The following PCDHGB3 variants were observed in gnomAD, a reference collection of about 807,000 sequenced individuals.
PCDHGB3 encodes protocadherin gamma subfamily B, 3, also known as protocadherin gamma-B3.
Under a neutral mutation model 59.2 loss-of-function variants are expected in PCDHGB3, and 40 were observed. That is an observed-to-expected ratio of 0.68 (90% CI 0.52 to 0.88). The LOEUF (loss-of-function observed/expected upper bound fraction) is 0.88, where lower values mean the gene tolerates loss of function less well. PCDHGB3 is among the 40% of genes least tolerant of loss of function. PCDHGB3 has a pLI of 0.00. For synonymous variants in PCDHGB3, 581 were observed against 503.6 expected (o/e 1.15, Z -2.06); for missense variants, 1,309 against 1,187.9 (o/e 1.10, Z -1.50).
intron 3 of PCDHGB3, among the ~76,000 whole-genome samples, chr5:141,509,808 G>A (rs905531504): frequency 3.9e-5 from 6 of 152,028 alleles, no homozygotes; most frequent in Non-Finnish European, 7.4e-5. Context: ...TCATAGAGCC[G>A]AGCTCTTCTC....
Position 141,371,373 on chromosome 5 carries a change from C to T in PCDHGB3, c.979C>T (p.His327Tyr). 6.2e-7 allele frequency: 1 copy of T among 1,613,972 alleles called. No homozygotes were observed. The highest frequency in any genetic ancestry group is 8.5e-7 in the Non-Finnish European group (1 of 1,179,874). ...GGTGGAAGCAAAGGATGGTGGACATCACACTGCATATTGTAAAGTACAGAT... is the reference window on the plus strand; with the variant it reads ...GGTGGAAGCAAAGGATGGTGGACATTACACTGCATATTGTAAAGTACAGAT... Reference protein sequence around the residue: ...IGVEAKDGGHHTAYCKVQIDI... With the variant: ...IGVEAKDGGHYTAYCKVQIDI... The change falls in exon 1 of 4, where the codon CAC (histidine) becomes TAC (tyrosine). Residue 327 changes from histidine to tyrosine, a missense_variant. By Grantham distance (83) the His-to-Tyr change is moderately conservative. Transcript: ENST00000576222.
chr5:141,491,580 G>A lies in PCDHGB3; in HGVS notation c.2416-3227G>A. 6.2e-7 allele frequency: 1 copy of A among 1,613,942 alleles called. No individual in the cohort carries two copies. Among genetic ancestry groups the A allele is most frequent in the Non-Finnish European group, 8.5e-7 (1 of 1,180,044 alleles). ...ACTGCTACAGGACGTGCTTTTCACC[G>A]GCCTCGGACGGCAGTGACTTCACTT... is the stretch of plus-strand genomic sequence containing the variant. On this transcript the variant is annotated intron_variant, in intron 1 of 3. Coordinates refer to ENST00000576222, the MANE Select transcript of PCDHGB3 (RefSeq NM_018924.5). The surrounding 1 kb of genome is among the most constrained non-coding windows in gnomAD (Gnocchi z 6.9).
intron 1 of PCDHGB3, chr5:141,384,354 C>A (rs1437330360): frequency 6.2e-7 from 1 of 1,613,844 alleles, no homozygotes; most frequent in Non-Finnish European, 8.5e-7. Context: ...AGGATAATGC[C>A]CAGATCACTT....
In PCDHGB3 at chr5:141,512,088, A is replaced by G. The variant is rs192947391; in HGVS notation, c.*915A>G. 2.6e-5 allele frequency: 4 copies of G among 152,772 alleles called. No individual in the cohort carries two copies. Among genetic ancestry groups the G allele is most frequent in the Admixed American group, 6.5e-5 (1 of 15,306 alleles). 9.5% of individuals were successfully genotyped at this position (152,772 alleles called of 1,614,324 possible). On this transcript the variant is annotated 3_prime_UTR_variant, in exon 4 of 4. Transcript: ENST00000576222. ...TCCTCCAGATTCCAGCCATAAACCAATAACTAGGCTGGACCCTTCCCACTA... is the reference window on the plus strand; with the variant it reads ...TCCTCCAGATTCCAGCCATAAACCAGTAACTAGGCTGGACCCTTCCCACTA...
intron 1 of PCDHGB3, chr5:141,389,263 C>G (rs1285877712): frequency 6.2e-7 from 1 of 1,614,028 alleles, no homozygotes; most frequent in Admixed American, 1.7e-5. Flanking sequence ...GTCCACGTGG[C>G]CGAGAACAAC....
At chr5:141,383,517 G>A (rs374823629) in intron 1 of PCDHGB3, 1 of 1,612,492 alleles carries the variant, frequency 6.2e-7, no homozygotes, top group Non-Finnish European at 8.5e-7. Context: ...AGGAAGAGCG[G>A]GTTCACCACC....
At chr5:141,399,409 CT>C in intron 1 of PCDHGB3, 2 of 1,614,052 alleles carry the variant, frequency 1.2e-6, no homozygotes, top group South Asian at 2.2e-5. Flanking sequence ...CAAGCCGCCC[CT>C]CTCCTCCAGC....
At chr5:141,449,369 G>A (rs561017816) in intron 1 of PCDHGB3, among the ~76,000 whole-genome samples, 4 of 152,068 alleles carry the variant, frequency 2.6e-5, no homozygotes, top group South Asian at 4.2e-4. Flanking sequence ...CACTTTGGGA[G>A]GCTGAGGCAG....
Position 141,486,544 on chromosome 5 carries a change from G to C in PCDHGB3, c.2416-8263G>C, listed in dbSNP as rs1376583724. Reference sequence around the variant, plus strand: ...ATGATAATCCACCCTCTTTCTTTCAGAGGTCACATGAGGTGTTTGTTCCTG... The same window carrying C: ...ATGATAATCCACCCTCTTTCTTTCACAGGTCACATGAGGTGTTTGTTCCTG... On this transcript the variant is annotated intron_variant, in intron 1 of 3. Coordinates refer to ENST00000576222, the MANE Select transcript of PCDHGB3 (RefSeq NM_018924.5). The surrounding 1 kb of genome is among the most constrained non-coding windows in gnomAD (Gnocchi z 5.0). The C allele has an allele frequency of 6.2e-7, 1 of 1,613,964 alleles. No homozygotes were observed. The highest frequency in any genetic ancestry group is 1.3e-5 in the African/African-American group (1 of 74,932).
In PCDHGB3 at chr5:141,486,885, G is replaced by C. The variant is rs139638334; in HGVS notation, c.2416-7922G>C. 1.2e-6 allele frequency: 2 copies of C among 1,614,076 alleles called. No individual in the cohort carries two copies. Among genetic ancestry groups the C allele is most frequent in the East Asian group, 4.5e-5 (2 of 44,892 alleles). On this transcript the variant is annotated intron_variant, in intron 1 of 3. Coordinates refer to ENST00000576222, the MANE Select transcript of PCDHGB3 (RefSeq NM_018924.5). This position sits in a 1 kb window ranked among gnomAD's most constrained non-coding sequence, Gnocchi z 5.0. ...CCAGCTGTGCTCCGTCCTCGGGCCC[G>C]GCCTGGTTCCTTATGTCCCCAAGCA...
At chr5:141,458,803 G>A (rs2098953701) in intron 1 of PCDHGB3, among the ~76,000 whole-genome samples, 2 of 152,130 alleles carry the variant, frequency 1.3e-5, no homozygotes, top group African/African-American at 4.8e-5. Flanking sequence ...TGTGATCTCA[G>A]CTCACTGCAA....
At chr5:141,374,051 C>T in intron 1 of PCDHGB3, 1 of 1,476,382 alleles carries the variant, frequency 6.8e-7, no homozygotes, top group Non-Finnish European at 9.0e-7. Context: ...TCTTCCTCTT[C>T]TTAATCCCAG....
chr5:141,431,725 G>A lies in PCDHGB3; in HGVS notation c.2415+58916G>A. The A allele has an allele frequency of 6.2e-7, 1 of 1,614,230 alleles. No individual in the cohort carries two copies. Among genetic ancestry groups the A allele is most frequent in the Non-Finnish European group, 8.5e-7 (1 of 1,180,044 alleles). On this transcript the variant is annotated intron_variant, in intron 1 of 3. Coordinates refer to ENST00000576222, the MANE Select transcript of PCDHGB3 (RefSeq NM_018924.5). The surrounding 1 kb of genome is among the most constrained non-coding windows in gnomAD (Gnocchi z 4.8). Reference sequence around the variant, plus strand: ...TCTACCAGATGGAAGTGCAAGCAATGGATAATGCAGGATATTCTGCGCGAG... The same window carrying A: ...TCTACCAGATGGAAGTGCAAGCAATAGATAATGCAGGATATTCTGCGCGAG...
intron 1 of PCDHGB3, chr5:141,422,903 A>G (rs1444530801): frequency 1.9e-6 from 3 of 1,614,036 alleles, no homozygotes; most frequent in African/African-American, 2.7e-5. Context: ...CAGAACGACA[A>G]TGCGCCCGAG....
Position 141,432,548 on chromosome 5 carries a change from G to T in PCDHGB3, c.2415+59739G>T, listed in dbSNP as rs1251651638. On this transcript the variant is annotated intron_variant, in intron 1 of 3. Coordinates refer to ENST00000576222, the MANE Select transcript of PCDHGB3 (RefSeq NM_018924.5). The surrounding 1 kb of genome is among the most constrained non-coding windows in gnomAD (Gnocchi z 6.0). ...GACCAAGGTGGTGGCGGTGGACAGA[G>T]ACTCCGGCCAGAACGCCTGGCTGTC... 1.9e-6 allele frequency: 3 copies of T among 1,613,998 alleles called. No homozygotes were observed. The South Asian group carries it at 3.3e-5, about 18-fold the overall frequency.
At chr5:141,389,062 T>G (rs991150761) in intron 1 of PCDHGB3, 1 of 1,613,856 alleles carries the variant, frequency 6.2e-7, no homozygotes, top group African/African-American at 1.3e-5. Context: ...TTTAAAATAT[T>G]AACTTCTTCA....
chr5:141,396,790 C>G (rs2093435054), intron 1 of PCDHGB3, among the ~76,000 whole-genome samples: 2 of 152,128 alleles, frequency 1.3e-5, no homozygotes. Flanking sequence ...AGGACATTTC[C>G]TAAGGATTGT....
At chr5:141,457,432 C>G (rs982456249) in intron 1 of PCDHGB3, among the ~76,000 whole-genome samples, 1 of 152,172 alleles carries the variant, frequency 6.6e-6, no homozygotes, top group Non-Finnish European at 1.5e-5. Context: ...TCCCCCCCAC[C>G]AAGCTGCAGA....
intron 1 of PCDHGB3, chr5:141,419,908 C>T: frequency 1.2e-6 from 2 of 1,613,976 alleles, no homozygotes; most frequent in Non-Finnish European, 1.7e-6. Context: ...CACCCTCTGA[C>T]TCCCAGGCTG....
Sources: allele counts gnomAD v4.1 joint callset (sites outside exome capture counted in the v4.1 genomes callset), GRCh38; gene constraint gnomAD v4.1.1; non-coding constraint Gnocchi (gnomAD v3.1); transcripts MANE v1.5; gene names NCBI Gene and HGNC (gene_info 2026-07-23, HGNC 2026-07-21).